Variants in ARMC8 observed in about 807,000 individuals in gnomAD.
ARMC8 encodes armadillo repeat containing 8.
Under a neutral mutation model 99.3 loss-of-function variants are expected in ARMC8, and 20 were observed. That is an observed-to-expected ratio of 0.20 (90% CI 0.14 to 0.29). The LOEUF (loss-of-function observed/expected upper bound fraction) is 0.29, where lower values mean the gene tolerates loss of function less well. ARMC8 is among the 10% of genes least tolerant of loss of function. The pLI, the probability that ARMC8 is intolerant of heterozygous loss-of-function variation, is 1.00. For synonymous variants in ARMC8, 263 were observed against 278.3 expected, an observed-to-expected ratio of 0.95 and a Z score of 0.55; for missense variants, 569 against 809.5, an observed-to-expected ratio of 0.70 and a Z score of 3.60.
intron 12 of ARMC8, among the ~76,000 whole-genome samples, chr3:138,253,867 C>T (rs1479154167): frequency 1.3e-5 from 2 of 152,176 alleles, no homozygotes; most frequent in African/African-American, 4.8e-5. Flanking sequence ...CACTGAAAGC[C>T]ATTTTTGCCC....
intron 5 of ARMC8, among the ~76,000 whole-genome samples, chr3:138,227,909 T>G (rs971387165): frequency 1.3e-5 from 2 of 152,228 alleles, no homozygotes; most frequent in Non-Finnish European, 2.9e-5. Context: ...GAGCTAAGTC[T>G]CCTTTTTTAT....
At chr3:138,246,268 TTC>T in intron 12 of ARMC8, 1 of 985,786 alleles carries the variant, frequency 1.0e-6, no homozygotes, top group Non-Finnish European at 1.2e-6. Context: ...AATTGAATGT[TTC>T]CATGTACCTC....
chr3:138,241,379 C>G (rs985447325), intron 10 of ARMC8, among the ~76,000 whole-genome samples: 1 of 152,130 alleles, frequency 6.6e-6, no homozygotes, highest in African/African-American at 2.4e-5. Flanking sequence ...CATACTTTTC[C>G]TAAGGCAAAA....
chr3:138,200,764 A>G (rs930282617), intron 1 of ARMC8, among the ~76,000 whole-genome samples: 2 of 152,120 alleles, frequency 1.3e-5, no homozygotes, highest in Non-Finnish European at 1.5e-5. Context: ...TGTATAGTAT[A>G]AGCACTTGGA....
intron 18 of ARMC8, among the ~76,000 whole-genome samples, chr3:138,280,011 C>T (rs1366874697): frequency 6.6e-6 from 1 of 151,762 alleles, no homozygotes; most frequent in East Asian, 2.0e-4. Context: ...TCAAACCTTT[C>T]TCCTGCCTCC....
intron 5 of ARMC8, among the ~76,000 whole-genome samples, chr3:138,225,508 C>G (rs2045646436): frequency 6.6e-6 from 1 of 152,178 alleles, no homozygotes; most frequent in African/African-American, 2.4e-5. Context: ...TTTTTAAACA[C>G]TCTTATTCAC....
chr3:138,272,912 T>C lies in ARMC8; in HGVS notation c.1480-55T>C, dbSNP rs115956877. ...AATTACCAGAGTTACTATTAAAATATAATTTAATAAAGTAAATGTAGACAT... is the reference window on the plus strand; with the variant it reads ...AATTACCAGAGTTACTATTAAAATACAATTTAATAAAGTAAATGTAGACAT... On this transcript the variant is annotated intron_variant, in intron 16 of 21. Coordinates refer to ENST00000469044, the MANE Select transcript of ARMC8 (RefSeq NM_001363941.2). 2,900 of 1,324,718 alleles carry C rather than the reference T, an allele frequency of 2.2e-3. 55 individuals carry two copies. The African/African-American group carries it at 0.038, about 17-fold the overall frequency. 82.1% of individuals were successfully genotyped at this position (1,324,718 alleles called of 1,614,324 possible).
chr3:138,287,804 A>G (rs113970604), intron 19 of ARMC8: 4 of 385,686 alleles, frequency 1.0e-5, no homozygotes. Context: ...ACCATTGAGC[A>G]TATTTTGCCA....
intron 18 of ARMC8, among the ~76,000 whole-genome samples, chr3:138,281,232 G>T (rs1243988647): frequency 6.6e-6 from 1 of 151,674 alleles, no homozygotes; most frequent in Non-Finnish European, 1.5e-5. Context: ...GTGTGTGTGT[G>T]TGTAGTTTTT....
chr3:138,266,536 T>C (rs768015383), intron 14 of ARMC8, among the ~76,000 whole-genome samples: 18 of 152,198 alleles, frequency 1.2e-4, no homozygotes, highest in Non-Finnish European at 2.2e-4. Context: ...TCCCTTATTA[T>C]TCACTATATC....
intron 1 of ARMC8, among the ~76,000 whole-genome samples, chr3:138,197,186 C>T (rs2043786815): frequency 6.6e-6 from 1 of 152,158 alleles, no homozygotes. Context: ...GTGATTGTCA[C>T]AGGCCACAAT....
chr3:138,294,871 G>A (rs2051318660), intron 21 of ARMC8, among the ~76,000 whole-genome samples: 1 of 150,464 alleles, frequency 6.6e-6, no homozygotes, highest in Non-Finnish European at 1.5e-5. Context: ...TTTTTGGTTT[G>A]TTTTTTGGGT....
intron 1 of ARMC8, among the ~76,000 whole-genome samples, chr3:138,204,186 G>A (rs1188570890): frequency 6.6e-6 from 1 of 152,052 alleles, no homozygotes; most frequent in Non-Finnish European, 1.5e-5. Context: ...CTCCGCCTCT[G>A]TGGATCAAGC....
At chr3:138,198,400 C>G (rs2043857692) in intron 1 of ARMC8, among the ~76,000 whole-genome samples, 1 of 151,946 alleles carries the variant, frequency 6.6e-6, no homozygotes, top group African/African-American at 2.4e-5. Context: ...GAGAGGCTGG[C>G]TTGCCCACTG....
intron 19 of ARMC8, among the ~76,000 whole-genome samples, chr3:138,286,865 G>A (rs1018289081): frequency 3.4e-4 from 51 of 152,036 alleles, no homozygotes; most frequent in African/African-American, 1.1e-3. Flanking sequence ...TTACATATCC[G>A]CCTGCCCTTT....
At chr3:138,273,259 G>A (rs1045351127) in intron 17 of ARMC8, 143 bp downstream of exon 17, 6 of 874,078 alleles carry the variant, frequency 6.9e-6, no homozygotes, top group Non-Finnish European at 1.0e-5. Context: ...AGGAGTTGAT[G>A]TCTAAACCTG....
chr3:138,272,904 T>C, intron 16 of ARMC8, 63 bp from the exon 17 acceptor site: 3 of 1,302,168 alleles, frequency 2.3e-6, no homozygotes, highest in Non-Finnish European at 3.0e-6. Flanking sequence ...AGAGTTACTA[T>C]TAAAATATAA....
intron 14 of ARMC8, among the ~76,000 whole-genome samples, chr3:138,266,412 C>T (rs2108277998): frequency 6.6e-6 from 1 of 152,178 alleles, no homozygotes; most frequent in African/African-American, 2.4e-5. Flanking sequence ...CTGTTGGGGC[C>T]AGATTTGACA....
At chr3:138,272,879 TA>T (rs1394576770) in intron 16 of ARMC8, 87 bp from the exon 17 acceptor site, 205 of 1,192,964 alleles carry the variant, frequency 1.7e-4, no homozygotes, top group South Asian at 2.2e-4. Flanking sequence ...CTCAAAAAAA[TA>T]AAAAAAAATT....
Sources: allele counts gnomAD v4.1 joint callset (sites outside exome capture counted in the v4.1 genomes callset), GRCh38; gene constraint gnomAD v4.1.1; transcripts MANE v1.5; gene names NCBI Gene and HGNC (gene_info 2026-07-23, HGNC 2026-07-21).